Variants in NELL1 observed in about 807,000 individuals in gnomAD.
NELL1 encodes protein kinase C-binding protein NELL1.
A neutral mutation model predicts 107.4 loss-of-function variants in NELL1; 76 were observed. That is an observed-to-expected ratio of 0.71 (90% confidence interval 0.59 to 0.86). The LOEUF (loss-of-function observed/expected upper bound fraction) is 0.86, where lower values mean the gene tolerates loss of function less well. Among genes scored for constraint, NELL1 ranks in the 40% least tolerant of loss-of-function variants. NELL1 has a pLI of 0.00. For synonymous variants in NELL1, 353 were observed against 341.2 expected, an observed-to-expected ratio of 1.03 and a Z score of -0.38; for missense variants, 1,024 against 1,005.5, an observed-to-expected ratio of 1.02 and a Z score of -0.25.
chr11:20,839,862 A>G (rs1023265799), intron 3 of NELL1, among the ~76,000 whole-genome samples: 1 of 152,232 alleles, frequency 6.6e-6, no homozygotes, highest in Non-Finnish European at 1.5e-5. Context: ...TCAGGACTTT[A>G]GTTTAGTCAA....
chr11:20,703,477 A>T (rs1458166229), intron 2 of NELL1, among the ~76,000 whole-genome samples: 1 of 151,880 alleles, frequency 6.6e-6, no homozygotes, highest in Non-Finnish European at 1.5e-5. Context: ...GTTTTTTTGA[A>T]GGTTTTCTTT....
rs531690394 is a variant in NELL1 at position 21,427,592 on chromosome 11, G to A, written c.1645+56644G>A. Among the ~76,000 whole-genome samples, 70 of 152,202 alleles carry A rather than the reference G, an allele frequency of 4.6e-4. 1 individual carries two copies. The South Asian group carries it at 0.014, about 31-fold the overall frequency. ...TAAGTGCTAAAAAATGTTAAGGCTGGACATGGTGGCTCAAACCTGTAATCC... is the reference window on the plus strand; with the variant it reads ...TAAGTGCTAAAAAATGTTAAGGCTGAACATGGTGGCTCAAACCTGTAATCC... On this transcript the variant is annotated intron_variant, in intron 15 of 19. Coordinates refer to ENST00000357134, the MANE Select transcript of NELL1 (RefSeq NM_006157.5).
At chr11:21,552,877 C>G (rs780149016) in intron 16 of NELL1, among the ~76,000 whole-genome samples, 3 of 151,762 alleles carry the variant, frequency 2.0e-5, no homozygotes, top group Non-Finnish European at 2.9e-5. Context: ...CCTACTAGGG[C>G]ATAGTTTTTG....
At chr11:21,353,191 G>C (rs1454287744) in intron 14 of NELL1, among the ~76,000 whole-genome samples, 1 of 152,100 alleles carries the variant, frequency 6.6e-6, no homozygotes, top group Non-Finnish European at 1.5e-5. Flanking sequence ...AAACAGATGG[G>C]TAAAAAAAGC....
chr11:21,457,812 A>T (rs1193038451), intron 15 of NELL1, among the ~76,000 whole-genome samples: 2 of 152,196 alleles, frequency 1.3e-5, no homozygotes, highest in Non-Finnish European at 2.9e-5. Context: ...GGAAAAAATA[A>T]AGAAGACTGA....
intron 13 of NELL1, among the ~76,000 whole-genome samples, chr11:21,171,595 T>G (rs749252625): frequency 2.6e-5 from 4 of 152,022 alleles, no homozygotes; most frequent in Non-Finnish European, 5.9e-5. Context: ...ACTAGTTTTC[T>G]TATTCTAACT....
intron 2 of NELL1, among the ~76,000 whole-genome samples, chr11:20,750,221 T>G (rs1404037071): frequency 2.6e-5 from 4 of 152,152 alleles, no homozygotes; most frequent in Admixed American, 2.6e-4. Flanking sequence ...TGTGTTTTGT[T>G]TTTATTCCTA....
At chr11:20,961,336 C>A (rs1426644875) in intron 12 of NELL1, among the ~76,000 whole-genome samples, 1 of 152,166 alleles carries the variant, frequency 6.6e-6, no homozygotes, top group Non-Finnish European at 1.5e-5. Context: ...CCATCCATTT[C>A]CAACGTGCTC....
intron 15 of NELL1, among the ~76,000 whole-genome samples, chr11:21,446,961 C>T (rs1012074245): frequency 4.6e-5 from 7 of 152,178 alleles, no homozygotes; most frequent in East Asian, 1.9e-4. Flanking sequence ...TATTCTACTG[C>T]GTTTAAGCTG....
At chr11:21,294,768 G>C (rs1412040685) in intron 14 of NELL1, among the ~76,000 whole-genome samples, 2 of 151,954 alleles carry the variant, frequency 1.3e-5, no homozygotes, top group African/African-American at 4.8e-5. Flanking sequence ...GATTTAAATG[G>C]TCATGAGTGT....
rs7940774 is a variant in NELL1 at position 20,713,023 on chromosome 11, T to G, written c.184+34963T>G. Reference sequence around the variant, plus strand: ...AGCTAGGATGTTGCAGGCAGTGGAATTACCTGTTGTTTTCTCTTTCCTGGG... The same window carrying G: ...AGCTAGGATGTTGCAGGCAGTGGAAGTACCTGTTGTTTTCTCTTTCCTGGG... On this transcript the variant is annotated intron_variant, in intron 2 of 19. Transcript: ENST00000357134. Among the ~76,000 whole-genome samples, 1,071 of 152,346 alleles carry G rather than the reference T, an allele frequency of 7.0e-3. 8 individuals carry two copies. The highest frequency in any genetic ancestry group is 0.025 in the African/African-American group (1,022 of 41,570).
intron 12 of NELL1, among the ~76,000 whole-genome samples, chr11:21,005,070 C>A (rs1852300995): frequency 6.6e-6 from 1 of 152,092 alleles, no homozygotes; most frequent in African/African-American, 2.4e-5. Flanking sequence ...TTTGTTTTAG[C>A]TATAGCCCTG....
At chr11:21,410,746 T>A (rs1400009586) in intron 15 of NELL1, among the ~76,000 whole-genome samples, 1 of 152,064 alleles carries the variant, frequency 6.6e-6, no homozygotes, top group Non-Finnish European at 1.5e-5. Flanking sequence ...GAATATTTGA[T>A]ACAAGGTTGC....
intron 15 of NELL1, among the ~76,000 whole-genome samples, chr11:21,388,798 C>G (rs1171222791): frequency 6.6e-6 from 1 of 151,774 alleles, no homozygotes; most frequent in African/African-American, 2.4e-5. Flanking sequence ...CAGAGAAATA[C>G]AATTTTAAAA....
At chr11:21,483,219 A>ATTATCCT (rs1467411863) in intron 15 of NELL1, among the ~76,000 whole-genome samples, 1 of 152,172 alleles carries the variant, frequency 6.6e-6, no homozygotes, top group African/African-American at 2.4e-5. Context: ...ATAAGATAAA[A>ATTATCCT]TTATCCTTTT....
chr11:20,913,850 G>A (rs567085826), intron 5 of NELL1, among the ~76,000 whole-genome samples: 6 of 135,514 alleles, frequency 4.4e-5, no homozygotes, highest in East Asian at 2.6e-4. Context: ...TACGGGGGGC[G>A]GGGGGATGGG....
intron 14 of NELL1, among the ~76,000 whole-genome samples, chr11:21,364,280 G>A (rs150181176): frequency 0.025 from 3,744 of 151,586 alleles, 85 homozygotes; most frequent in South Asian, 0.051. Flanking sequence ...GCGTGGTGGC[G>A]GGTGCCTATA....
chr11:21,067,557 T>A (rs1853906046), intron 12 of NELL1, among the ~76,000 whole-genome samples: 1 of 152,076 alleles, frequency 6.6e-6, no homozygotes, highest in South Asian at 2.1e-4. Context: ...ATGAAGAAAT[T>A]TTACAGAGAG....
intron 14 of NELL1, among the ~76,000 whole-genome samples, chr11:21,354,400 C>T (rs747225965): frequency 6.6e-5 from 10 of 152,140 alleles, no homozygotes; most frequent in Non-Finnish European, 1.5e-4. Flanking sequence ...GTTAAAACTT[C>T]AAACCAGGTT....
Sources: allele counts gnomAD v4.1 joint callset (sites outside exome capture counted in the v4.1 genomes callset), GRCh38; gene constraint gnomAD v4.1.1; transcripts MANE v1.5; gene names NCBI Gene and HGNC (gene_info 2026-07-23, HGNC 2026-07-21).